NTNG1: variants seen among roughly 807,000 people sequenced by gnomAD.
NTNG1 encodes the protein netrin G1, also known as netrin-G1.
A neutral mutation model predicts 54.0 loss-of-function variants in NTNG1; 16 were observed. That is an observed-to-expected ratio of 0.30 (90% CI 0.20 to 0.45). The LOEUF is 0.45. NTNG1 is among the 20% of genes least tolerant of loss of function. NTNG1 has a pLI of 1.00. For missense variants in NTNG1, 530 were observed against 678.7 expected (o/e 0.78, Z 2.43); for synonymous variants, 255 against 263.1 (o/e 0.97, Z 0.30).
intron 3 of NTNG1, among the ~76,000 whole-genome samples, chr1:107,393,470 AT>A (rs1021786891): frequency 2.0e-5 from 3 of 152,088 alleles, no homozygotes; most frequent in African/African-American, 7.2e-5. Context: ...TAACTGAATT[AT>A]TTTTTATCTT....
At chr1:107,467,413 A>G (rs924883533) in intron 7 of NTNG1, among the ~76,000 whole-genome samples, 4 of 152,236 alleles carry the variant, frequency 2.6e-5, no homozygotes, top group African/African-American at 7.2e-5. Flanking sequence ...CTGACAGTCT[A>G]TCTTTTATTG....
chr1:107,210,869 G>T (rs1314115365), intron 2 of NTNG1, among the ~76,000 whole-genome samples: 2 of 152,044 alleles, frequency 1.3e-5, no homozygotes, highest in Non-Finnish European at 2.9e-5. Context: ...CCATGTTCCT[G>T]CAGATGCCGA....
chr1:107,169,944 C>T (rs80322753), intron 2 of NTNG1, among the ~76,000 whole-genome samples: 2,830 of 152,260 alleles, frequency 0.019, 84 homozygotes, highest in African/African-American at 0.065. Flanking sequence ...AGCTGCTGTC[C>T]ACAGCTGGAA....
chr1:107,243,559 TTG>T (rs796692231), intron 2 of NTNG1, among the ~76,000 whole-genome samples: 81 of 152,312 alleles, frequency 5.3e-4, no homozygotes, highest in African/African-American at 1.9e-3. Context: ...TTTTTTGTTT[TTG>T]TGTTTCGTTT....
At chr1:107,153,531 T>C (rs1270491550) in intron 2 of NTNG1, among the ~76,000 whole-genome samples, 1 of 152,248 alleles carries the variant, frequency 6.6e-6, no homozygotes, top group East Asian at 1.9e-4. Flanking sequence ...AGTTCTTTCA[T>C]TATTAACACT....
chr1:107,287,569 G>A (rs897935597), intron 2 of NTNG1, among the ~76,000 whole-genome samples: 1 of 152,188 alleles, frequency 6.6e-6, no homozygotes, highest in African/African-American at 2.4e-5. Flanking sequence ...GCAATGTAGT[G>A]AGACCTTGGT....
At chr1:107,232,627 T>C (rs1322526667) in intron 2 of NTNG1, among the ~76,000 whole-genome samples, 1 of 152,192 alleles carries the variant, frequency 6.6e-6, no homozygotes, top group Non-Finnish European at 1.5e-5. Flanking sequence ...CTGCTGTTCG[T>C]CTTGAGATAT....
chr1:107,374,198 T>A lies in NTNG1; in HGVS notation c.888-20956T>A, dbSNP rs138025228. On this transcript the variant is annotated intron_variant, in intron 3 of 7. Transcript: ENST00000370068. ...TAGTCTGTATTGCTCGTTTGGGGCATGTTTGTTTAAGATGTGCTTGGTGTA... is the reference window on the plus strand; with the variant it reads ...TAGTCTGTATTGCTCGTTTGGGGCAAGTTTGTTTAAGATGTGCTTGGTGTA... Among the ~76,000 whole-genome samples, 195 of 152,332 alleles carry A rather than the reference T, an allele frequency of 1.3e-3. 2 individuals are homozygous for A. The Middle Eastern group carries it at 0.024, about 19-fold the overall frequency.
chr1:107,345,527 G>A (rs981799649), intron 3 of NTNG1, among the ~76,000 whole-genome samples: 3 of 152,084 alleles, frequency 2.0e-5, no homozygotes, highest in African/African-American at 7.2e-5. Flanking sequence ...CTTTGAAATG[G>A]CATTTTTCTG....
intron 5 of NTNG1, among the ~76,000 whole-genome samples, chr1:107,416,851 GA>G (rs1430636889): frequency 2.6e-5 from 4 of 151,940 alleles, no homozygotes; most frequent in Non-Finnish European, 5.9e-5. Flanking sequence ...TTTCTGCACA[GA>G]AAAAGATGGA....
At chr1:107,207,399 C>A (rs940590330) in intron 2 of NTNG1, among the ~76,000 whole-genome samples, 6 of 152,166 alleles carry the variant, frequency 3.9e-5, no homozygotes, top group Non-Finnish European at 8.8e-5. Context: ...TGGACAGCCA[C>A]CTCCCAAAGG....
At chr1:107,323,104 GAA>G (rs758878388) in intron 2 of NTNG1, among the ~76,000 whole-genome samples, 8 of 131,558 alleles carry the variant, frequency 6.1e-5, no homozygotes, top group African/African-American at 1.4e-4. Flanking sequence ...ACAGTATATG[GAA>G]AAAAAAAAAA....
intron 2 of NTNG1, among the ~76,000 whole-genome samples, chr1:107,192,641 C>A (rs1024214583): frequency 6.6e-6 from 1 of 151,970 alleles, no homozygotes; most frequent in African/African-American, 2.4e-5. Context: ...ATATCTTTTG[C>A]CTATCTTGAT....
chr1:107,315,490 T>G (rs1002973830), intron 2 of NTNG1, among the ~76,000 whole-genome samples: 1 of 152,182 alleles, frequency 6.6e-6, no homozygotes, highest in African/African-American at 2.4e-5. Context: ...CCTCTGTGAC[T>G]TCTTCCCCAG....
At chr1:107,475,452 C>T (rs974121247) in intron 7 of NTNG1, among the ~76,000 whole-genome samples, 1 of 152,184 alleles carries the variant, frequency 6.6e-6, no homozygotes, top group Non-Finnish European at 1.5e-5. Flanking sequence ...AATTACATAG[C>T]AGGGGTGCTT....
intron 2 of NTNG1, among the ~76,000 whole-genome samples, chr1:107,267,423 T>C (rs1449769361): frequency 2.0e-5 from 3 of 152,192 alleles, no homozygotes; most frequent in African/African-American, 7.2e-5. Flanking sequence ...GTGACTGAGC[T>C]AATGCAAGAA....
chr1:107,395,289 C>G lies in NTNG1; in HGVS notation c.1023C>G (p.Gly341=), dbSNP rs752932693. Residue 341 remains glycine, a synonymous_variant, in exon 4 of 8, where the codon GGC becomes GGG. Coordinates refer to ENST00000370068, the MANE Select transcript of NTNG1 (RefSeq NM_001113226.3). ...KNYQGRPWSP[G]SYLPIPKGTA... ...ATCAGGGCCGACCTTGGAGTCCAGG[C>G]TCCTATCTCCCCATCCCCAAAGGCA... 2 of 1,613,466 alleles carry G rather than the reference C, an allele frequency of 1.2e-6. No individual in the cohort carries two copies. The highest frequency in any genetic ancestry group is 1.3e-5 in the African/African-American group (1 of 74,892).
intron 2 of NTNG1, among the ~76,000 whole-genome samples, chr1:107,272,829 G>A (rs752128538): frequency 6.6e-6 from 1 of 152,158 alleles, no homozygotes; most frequent in Non-Finnish European, 1.5e-5. Context: ...AAGCAGGTAG[G>A]CATTATCTTG....
At chr1:107,211,353 G>A (rs1659587302) in intron 2 of NTNG1, among the ~76,000 whole-genome samples, 1 of 151,906 alleles carries the variant, frequency 6.6e-6, no homozygotes, top group Admixed American at 6.6e-5. Flanking sequence ...TCATACATAT[G>A]TAATATATAA....
Sources: allele counts gnomAD v4.1 joint callset (sites outside exome capture counted in the v4.1 genomes callset), GRCh38; gene constraint gnomAD v4.1.1; transcripts MANE v1.5; gene names NCBI Gene and HGNC (gene_info 2026-07-23, HGNC 2026-07-21).